Variants in BBS9 observed in about 807,000 individuals in gnomAD.
BBS9 encodes the protein Bardet-Biedl syndrome 9.
In BBS9, 89 loss-of-function variants were observed where a neutral mutation model predicts 117.7. That is an observed-to-expected ratio of 0.76 (90% CI 0.64 to 0.90). The LOEUF is 0.90. BBS9 is among the 40% of genes least tolerant of loss of function. BBS9 has a pLI of 0.00. For synonymous variants in BBS9, 379 were observed against 370.9 expected (o/e 1.02, Z -0.25); for missense variants, 982 against 1,042.2 (o/e 0.94, Z 0.80).
chr7:33,202,806 G>C (rs1786125421), intron 5 of BBS9, among the ~76,000 whole-genome samples: 1 of 152,104 alleles, frequency 6.6e-6, no homozygotes, highest in South Asian at 2.1e-4. Flanking sequence ...ATTTGTGGTG[G>C]GGGGGAACAC....
intron 5 of BBS9, among the ~76,000 whole-genome samples, chr7:33,184,097 C>CAGAGAGAGAGAGAG (rs35333434): frequency 6.7e-6 from 1 of 149,454 alleles, no homozygotes; most frequent in South Asian, 2.1e-4. Context: ...AGTTTGCACA[C>CAGAGAGAGAGAGAG]AGAGAGAGAG....
intron 21 of BBS9, among the ~76,000 whole-genome samples, chr7:33,556,968 G>A (rs1401059448): frequency 6.6e-6 from 1 of 152,154 alleles, no homozygotes; most frequent in Non-Finnish European, 1.5e-5. Context: ...GCTTTTCTAT[G>A]TCTCTGATCT....
chr7:33,332,154 C>T (rs903205335), intron 9 of BBS9, among the ~76,000 whole-genome samples: 7 of 148,372 alleles, frequency 4.7e-5, no homozygotes, highest in Non-Finnish European at 9.1e-5. Context: ...AGCCAGACTT[C>T]GAGCGAACTG....
intron 4 of BBS9, among the ~76,000 whole-genome samples, chr7:33,166,591 CT>C (rs1795729182): frequency 6.6e-6 from 1 of 152,268 alleles, no homozygotes; most frequent in Non-Finnish European, 1.5e-5. Flanking sequence ...CCCTGCCAGG[CT>C]GCTGCCTCAC....
At chr7:33,311,607 AG>A (rs1809234753) in intron 9 of BBS9, among the ~76,000 whole-genome samples, 3 of 152,202 alleles carry the variant, frequency 2.0e-5, no homozygotes, top group Non-Finnish European at 2.9e-5. Context: ...ACTTGAGGTC[AG>A]GAGTTCGAGA....
intron 17 of BBS9, among the ~76,000 whole-genome samples, chr7:33,378,604 T>TTGTTGCAGATTG (rs1554450388): frequency 6.6e-6 from 1 of 152,220 alleles, no homozygotes; most frequent in African/African-American, 2.4e-5. Flanking sequence ...CTTAGACTTA[T>TTGTTGCAGATTG]TCACATTTCA....
intron 21 of BBS9, among the ~76,000 whole-genome samples, chr7:33,591,084 A>G (rs956388489): frequency 2.0e-5 from 3 of 152,062 alleles, no homozygotes; most frequent in East Asian, 1.9e-4. Flanking sequence ...TTACTAGCCT[A>G]TACATTAGTG....
chr7:33,137,877 T>C (rs1454351872), intron 1 of BBS9, among the ~76,000 whole-genome samples: 1 of 152,238 alleles, frequency 6.6e-6, no homozygotes, highest in Non-Finnish European at 1.5e-5. Flanking sequence ...GAAATTCTGC[T>C]ATGCATGACC....
intron 9 of BBS9, among the ~76,000 whole-genome samples, chr7:33,296,449 A>T (rs2128413905): frequency 6.6e-6 from 1 of 152,292 alleles, no homozygotes; most frequent in East Asian, 1.9e-4. Context: ...TGGCAATGAT[A>T]ACTTCATTTT....
chr7:33,262,328 T>C (rs1257180799), intron 6 of BBS9, among the ~76,000 whole-genome samples: 1 of 152,170 alleles, frequency 6.6e-6, no homozygotes, highest in South Asian at 2.1e-4. Context: ...GTTTTGGACC[T>C]TTGTAACAAT....
chr7:33,609,923 C>T (rs1371671547), downstream of BBS9, among the ~76,000 whole-genome samples: 1 of 152,022 alleles, frequency 6.6e-6, no homozygotes, highest in East Asian at 1.9e-4. Flanking sequence ...TTGAATGTCT[C>T]CCCAACTCAA....
At chr7:33,542,935 T>A (rs1224082975) in intron 21 of BBS9, among the ~76,000 whole-genome samples, 1 of 152,146 alleles carries the variant, frequency 6.6e-6, no homozygotes, top group Non-Finnish European at 1.5e-5. Flanking sequence ...TGTGCAAGTA[T>A]CTTTTTCAAA....
At chr7:33,142,085 C>T (rs11772401) in intron 1 of BBS9, among the ~76,000 whole-genome samples, 23,537 of 151,958 alleles carry the variant, frequency 0.15, 2,026 homozygotes, top group South Asian at 0.21. Context: ...ACCCGCCCGG[C>T]TAATTTTTTG....
At chr7:33,536,855 G>T (rs935242531) in intron 21 of BBS9, among the ~76,000 whole-genome samples, 35 of 149,790 alleles carry the variant, frequency 2.3e-4, no homozygotes, top group African/African-American at 8.6e-4. Flanking sequence ...AAGGTGACAT[G>T]ATAACATTAT....
At chr7:33,388,443 G>A (rs185939079) in intron 19 of BBS9, among the ~76,000 whole-genome samples, 1 of 152,250 alleles carries the variant, frequency 6.6e-6, no homozygotes, top group Non-Finnish European at 1.5e-5. Context: ...TGCCAGGCAC[G>A]TAATATGTGC....
rs191415537 is a variant in BBS9, at chr7:33,310,890, T to C, written c.1017-25551T>C. 3.6e-3 allele frequency among the ~76,000 whole-genome samples: 554 copies of C among 152,310 alleles called. 3 individuals are homozygous for C. Among genetic ancestry groups the C allele is most frequent in the African/African-American group, 0.013 (528 of 41,566 alleles). On this transcript the variant is annotated intron_variant, in intron 9 of 22. Transcript: ENST00000242067. ...GTGCTAGATTCTGGGGATATATTCA[T>C]GAGCAAAGCAGTCATGGTCACTGAA...
rs191170965 is a variant in BBS9 at position 33,495,222 on chromosome 7, G to C, written c.2116-10241G>C. Among the ~76,000 whole-genome samples the C allele has an allele frequency of 5.9e-5, 9 of 152,270 alleles. No homozygotes were observed. In the South Asian group the frequency reaches 1.9e-3, roughly 32 times the overall value. On this transcript the variant is annotated intron_variant, in intron 19 of 22. Coordinates refer to ENST00000242067, the MANE Select transcript of BBS9 (RefSeq NM_198428.3). ...GTCACCAGCATTGTTGGGGTCTCCA[G>C]CCTCCCTTTTTGCCTTTTTGGGAGC...
At chr7:33,274,510 C>G (rs1316114763) in intron 9 of BBS9, among the ~76,000 whole-genome samples, 2 of 152,044 alleles carry the variant, frequency 1.3e-5, no homozygotes, top group Admixed American at 1.3e-4. Context: ...CAGAAATGAG[C>G]CATCTAAGTG....
chr7:33,592,402 A>G (rs1181230920), intron 21 of BBS9, among the ~76,000 whole-genome samples: 1 of 152,140 alleles, frequency 6.6e-6, no homozygotes, highest in African/African-American at 2.4e-5. Flanking sequence ...TTGCCATGTC[A>G]TGTCCCCTTT....
Sources: allele counts gnomAD v4.1 joint callset (sites outside exome capture counted in the v4.1 genomes callset), GRCh38; gene constraint gnomAD v4.1.1; transcripts MANE v1.5; gene names NCBI Gene and HGNC (gene_info 2026-07-23, HGNC 2026-07-21).